Variants in L3MBTL4 observed in about 807,000 individuals in gnomAD.
The protein encoded by L3MBTL4 is lethal(3)malignant brain tumor-like protein 4.
L3MBTL4 carries 70 observed loss-of-function variants against 84.5 expected under a neutral mutation model. The observed-to-expected ratio is 0.83, with a 90% confidence interval of 0.68 to 1.01. The LOEUF is 1.01. Among genes scored for constraint, L3MBTL4 ranks in the 50% least tolerant of loss-of-function variants. The pLI, the probability that L3MBTL4 is intolerant of heterozygous loss-of-function variation, is 0.00. For synonymous variants in L3MBTL4, 274 were observed against 259.8 expected (o/e 1.05, Z -0.52); for missense variants, 715 against 754.8 (o/e 0.95, Z 0.62).
chr18:6,202,264 G>C (rs867047790), intron 12 of L3MBTL4, among the ~76,000 whole-genome samples: 10 of 152,116 alleles, frequency 6.6e-5, no homozygotes, highest in African/African-American at 9.7e-5. Context: ...CTTCATTCAA[G>C]CAAACTCTGT....
chr18:6,261,095 G>GA (rs2048379752), intron 5 of L3MBTL4, among the ~76,000 whole-genome samples: 1 of 152,072 alleles, frequency 6.6e-6, no homozygotes. Flanking sequence ...TCTCACACAT[G>GA]GAATTCCTCA....
intron 10 of L3MBTL4, among the ~76,000 whole-genome samples, chr18:6,226,492 T>C (rs535209361): frequency 2.0e-5 from 3 of 152,244 alleles, no homozygotes; most frequent in Admixed American, 6.5e-5. Context: ...TTACGAGATA[T>C]AGAACATATA....
In L3MBTL4 at chr18:6,374,592, T is replaced by A. The variant is rs563159601; in HGVS notation, c.-91+40209A>T. Among the ~76,000 whole-genome samples the A allele has an allele frequency of 2.6e-5, 4 of 152,254 alleles. 1 individual carries two copies. The highest frequency in any genetic ancestry group is 9.6e-5 in the African/African-American group (4 of 41,550). ...ACCTCTTCCATGATTACAGTCAAAATTCCAAAGGGCTTCATTAAAGTCAAA... is the reference window on the plus strand; with the variant it reads ...ACCTCTTCCATGATTACAGTCAAAAATCCAAAGGGCTTCATTAAAGTCAAA... On this transcript the variant is annotated intron_variant, in intron 1 of 18. Transcript: ENST00000317931.
intron 12 of L3MBTL4, among the ~76,000 whole-genome samples, chr18:6,182,050 T>C (rs923007747): frequency 9.2e-5 from 14 of 152,230 alleles, no homozygotes; most frequent in Non-Finnish European, 1.8e-4. Flanking sequence ...GCAATTCTGC[T>C]TCGAGTTCTT....
At chr18:6,267,086 T>C (rs1326579017) in intron 4 of L3MBTL4, among the ~76,000 whole-genome samples, 1 of 152,094 alleles carries the variant, frequency 6.6e-6, no homozygotes, top group African/African-American at 2.4e-5. Flanking sequence ...TCATATATAC[T>C]TTATTTCTTT....
intron 17 of L3MBTL4, among the ~76,000 whole-genome samples, chr18:5,967,701 C>T (rs2052421813): frequency 6.6e-6 from 1 of 152,198 alleles, no homozygotes; most frequent in African/African-American, 2.4e-5. Context: ...CTGGCTCAGA[C>T]CGAGGATCCG....
intron 1 of L3MBTL4, among the ~76,000 whole-genome samples, chr18:6,351,483 G>A (rs1003227609): frequency 4.0e-4 from 61 of 152,148 alleles, no homozygotes; most frequent in Admixed American, 2.4e-3. Context: ...TAATGCCACT[G>A]AGTGATCACT....
intron 16 of L3MBTL4, among the ~76,000 whole-genome samples, chr18:6,000,071 C>T (rs1180123014): frequency 6.7e-6 from 1 of 150,274 alleles, no homozygotes; most frequent in East Asian, 1.9e-4. Context: ...AAATTGAACT[C>T]ATTAAGTAAT....
intron 16 of L3MBTL4, among the ~76,000 whole-genome samples, chr18:5,991,385 G>A (rs73374482): frequency 6.6e-6 from 1 of 152,128 alleles, no homozygotes; most frequent in African/African-American, 2.4e-5. Context: ...GGAAGAGTCT[G>A]TCTCTTATTC....
At chr18:6,158,863 G>T (rs947470257) in intron 13 of L3MBTL4, among the ~76,000 whole-genome samples, 29 of 152,320 alleles carry the variant, frequency 1.9e-4, no homozygotes, top group African/African-American at 6.5e-4. Context: ...GCTGGTAGGT[G>T]AGCAGAAATC....
chr18:6,184,650 C>T (rs908656834), intron 12 of L3MBTL4, among the ~76,000 whole-genome samples: 4 of 152,156 alleles, frequency 2.6e-5, no homozygotes, highest in African/African-American at 9.7e-5. Flanking sequence ...TTCCTCTTGG[C>T]TATAATGACT....
intron 13 of L3MBTL4, among the ~76,000 whole-genome samples, chr18:6,149,700 A>G (rs1338221781): frequency 6.6e-6 from 1 of 152,094 alleles, no homozygotes; most frequent in African/African-American, 2.4e-5. Context: ...CCACATCCTA[A>G]GGACTTTTTA....
chr18:6,386,329 G>A (rs996491383), intron 1 of L3MBTL4, among the ~76,000 whole-genome samples: 3 of 152,206 alleles, frequency 2.0e-5, no homozygotes, highest in Non-Finnish European at 4.4e-5. Flanking sequence ...GTCTGGGGAA[G>A]GGATGACTGA....
chr18:6,145,631 A>T (rs750112394), intron 13 of L3MBTL4, among the ~76,000 whole-genome samples: 63 of 151,822 alleles, frequency 4.1e-4, no homozygotes, highest in Non-Finnish European at 8.7e-4. Context: ...GCATTGGGTG[A>T]TAATATCCAC....
intron 15 of L3MBTL4, among the ~76,000 whole-genome samples, chr18:6,090,093 C>A (rs943547395): frequency 6.6e-6 from 1 of 152,148 alleles, no homozygotes; most frequent in Non-Finnish European, 1.5e-5. Flanking sequence ...TATTCACCTC[C>A]ATTTAATGCA....
intron 14 of L3MBTL4, among the ~76,000 whole-genome samples, chr18:6,102,901 G>A (rs1389718565): frequency 6.6e-6 from 1 of 152,150 alleles, no homozygotes; most frequent in Non-Finnish European, 1.5e-5. Context: ...AAACTAGACA[G>A]GAAGGAAAAA....
At chr18:6,366,587 T>C (rs906018535) in intron 1 of L3MBTL4, among the ~76,000 whole-genome samples, 1 of 152,234 alleles carries the variant, frequency 6.6e-6, no homozygotes, top group African/African-American at 2.4e-5. Flanking sequence ...AAGGAATTGA[T>C]ATTCATGAAT....
At chr18:5,963,767 G>A (rs1175759009) in intron 17 of L3MBTL4, among the ~76,000 whole-genome samples, 1 of 152,226 alleles carries the variant, frequency 6.6e-6, no homozygotes, top group Non-Finnish European at 1.5e-5. Flanking sequence ...CTCAATGAAA[G>A]TGGTGAGCTT....
chr18:6,013,839 G>A (rs534300914), intron 16 of L3MBTL4, among the ~76,000 whole-genome samples: 130 of 152,320 alleles, frequency 8.5e-4, no homozygotes, highest in Non-Finnish European at 1.6e-3. Flanking sequence ...AGTGATAAAA[G>A]GGATTGATCT....
Sources: allele counts gnomAD v4.1 joint callset (sites outside exome capture counted in the v4.1 genomes callset), GRCh38; gene constraint gnomAD v4.1.1; transcripts MANE v1.5; gene names NCBI Gene and HGNC (gene_info 2026-07-23, HGNC 2026-07-21).